MYO5B: variants seen among roughly 807,000 people sequenced by gnomAD.
MYO5B encodes the protein unconventional myosin-Vb.
MYO5B carries 143 observed loss-of-function variants against 229.3 expected under a neutral mutation model. The ratio of observed to expected loss-of-function variants is 0.62; its 90% confidence interval spans 0.54 to 0.72. The LOEUF is 0.72. Among genes scored for constraint, MYO5B ranks in the 30% least tolerant of loss-of-function variants. MYO5B has a pLI of 0.00. For synonymous variants in MYO5B, 918 were observed against 885.2 expected, an observed-to-expected ratio of 1.04 and a Z score of -0.66; for missense variants, 2,321 against 2,331.0, an observed-to-expected ratio of 1.00 and a Z score of 0.09.
At chr18:50,000,303 G>A (rs1429370133) in intron 5 of MYO5B, among the ~76,000 whole-genome samples, 2 of 152,126 alleles carry the variant, frequency 1.3e-5, no homozygotes, top group Non-Finnish European at 2.9e-5. Flanking sequence ...GGCAGCTTGC[G>A]GCTCAACTAA....
intron 1 of MYO5B, among the ~76,000 whole-genome samples, chr18:50,128,713 C>G (rs1238823178): frequency 6.6e-6 from 1 of 152,168 alleles, no homozygotes; most frequent in South Asian, 2.1e-4. Context: ...CCTAAGAATC[C>G]GAGATCCTTT....
intron 2 of MYO5B, among the ~76,000 whole-genome samples, chr18:50,052,240 A>G (rs1029138656): frequency 6.6e-6 from 1 of 152,134 alleles, no homozygotes; most frequent in African/African-American, 2.4e-5. Context: ...ATGCTGCTAT[A>G]AAGACACATG....
intron 1 of MYO5B, among the ~76,000 whole-genome samples, chr18:50,138,675 A>G (rs1377119977): frequency 6.6e-6 from 1 of 152,276 alleles, no homozygotes; most frequent in East Asian, 1.9e-4. Flanking sequence ...AAGAAGTGAA[A>G]TTATGCTCAA....
chr18:49,894,103 G>A (rs200211651), intron 22 of MYO5B, among the ~76,000 whole-genome samples: 75 of 152,290 alleles, frequency 4.9e-4, no homozygotes, highest in Middle Eastern at 3.4e-3. Context: ...AAGGTCTACC[G>A]CAGGGCCCTT....
At chr18:49,873,085 A>T (rs1203293148) in intron 26 of MYO5B, among the ~76,000 whole-genome samples, 1 of 151,980 alleles carries the variant, frequency 6.6e-6, no homozygotes, top group East Asian at 1.9e-4. Context: ...GGCCCACAAC[A>T]CTCTGTAATG....
At chr18:49,854,340 TGAG>T (rs375989306) in intron 30 of MYO5B, among the ~76,000 whole-genome samples, 2 of 152,080 alleles carry the variant, frequency 1.3e-5, no homozygotes, top group Non-Finnish European at 2.9e-5. Flanking sequence ...TTGCAAAGAT[TGAG>T]GAGAAGTCTT....
At chr18:50,098,362 G>T (rs1212575833) in intron 1 of MYO5B, among the ~76,000 whole-genome samples, 1 of 152,140 alleles carries the variant, frequency 6.6e-6, no homozygotes, top group African/African-American at 2.4e-5. Flanking sequence ...TCCAAACTTA[G>T]TTGCCATGTT....
intron 17 of MYO5B, among the ~76,000 whole-genome samples, chr18:49,924,193 G>A (rs2025105037): frequency 6.6e-6 from 1 of 152,152 alleles, no homozygotes; most frequent in South Asian, 2.1e-4. Context: ...CCACCAGAAA[G>A]TTCTGAGATA....
At chr18:50,190,489 T>G (rs991348171) in intron 1 of MYO5B, among the ~76,000 whole-genome samples, 1 of 152,234 alleles carries the variant, frequency 6.6e-6, no homozygotes, top group Non-Finnish European at 1.5e-5. Flanking sequence ...TGAAAGTGTC[T>G]GGCACTGACT....
chr18:50,061,921 CT>C (rs1044203369), intron 1 of MYO5B, among the ~76,000 whole-genome samples: 3 of 152,152 alleles, frequency 2.0e-5, no homozygotes, highest in Non-Finnish European at 2.9e-5. Context: ...AGTTTCAAAA[CT>C]GAATTAGGTT....
intron 1 of MYO5B, among the ~76,000 whole-genome samples, chr18:50,074,246 C>T (rs560133078): frequency 4.6e-5 from 7 of 152,252 alleles, no homozygotes; most frequent in South Asian, 4.1e-4. Flanking sequence ...GAGAATAGCA[C>T]GGGAAAGACC....
intron 27 of MYO5B, among the ~76,000 whole-genome samples, chr18:49,867,189 T>C (rs1229570190): frequency 1.3e-5 from 2 of 152,116 alleles, no homozygotes; most frequent in Non-Finnish European, 2.9e-5. Context: ...GCATGGCCCA[T>C]GGCAGGGAGC....
chr18:50,017,376 T>G (rs1461822709), intron 4 of MYO5B, among the ~76,000 whole-genome samples: 3 of 152,162 alleles, frequency 2.0e-5, no homozygotes, highest in Admixed American at 1.3e-4. Flanking sequence ...CCACCCGCCT[T>G]GGCCTCCCAA....
chr18:50,020,727 G>C (rs1460923140), intron 4 of MYO5B, among the ~76,000 whole-genome samples: 1 of 152,190 alleles, frequency 6.6e-6, no homozygotes, highest in East Asian at 1.9e-4. Context: ...GGTAGAAATC[G>C]AAGGCAACAG....
intron 14 of MYO5B, chr18:49,946,350 A>G (rs1054274162): frequency 1.3e-5 from 2 of 152,216 alleles, no homozygotes; most frequent in African/African-American, 4.8e-5. Context: ...TTCTGAGATC[A>G]GATAAGCTCA....
At position 49,912,146 on chromosome 18, in the gene MYO5B, C is replaced by A. The variant is rs778827958; in HGVS notation, c.2118G>T (p.Arg706=). ...SRWAYHDFFN[R]YRVLVKKREL... is the part of the protein sequence containing the mutation. Reference sequence around the variant, plus strand: ...CTCTCTTCTTGACCAGCACCCGATACCGGTTGAAAAAGTCATGGTAGGCCC... The same window carrying A: ...CTCTCTTCTTGACCAGCACCCGATAACGGTTGAAAAAGTCATGGTAGGCCC... The change falls in exon 18 of 40, where the codon CGG becomes CGT. Residue 706 remains arginine, a synonymous_variant. Coordinates refer to ENST00000285039, the MANE Select transcript of MYO5B (RefSeq NM_001080467.3). 1.9e-6 allele frequency: 3 copies of A among 1,613,974 alleles called. No individual in the cohort carries two copies. The South Asian group carries it at 3.3e-5, about 18-fold the overall frequency.
chr18:49,899,789 G>A (rs889334640), intron 21 of MYO5B, among the ~76,000 whole-genome samples: 25 of 152,238 alleles, frequency 1.6e-4, no homozygotes, highest in African/African-American at 6.0e-4. Context: ...AAGGGCACAA[G>A]AAAGCAAGAG....
chr18:49,946,050 T>A (rs915860484), intron 14 of MYO5B, among the ~76,000 whole-genome samples: 1 of 152,080 alleles, frequency 6.6e-6, no homozygotes, highest in Non-Finnish European at 1.5e-5. Flanking sequence ...CCAATCTGCA[T>A]AACTATACTA....
At position 49,872,244 on chromosome 18, in the gene MYO5B, G is replaced by A; in HGVS notation, c.3538-12C>T. The A allele has an allele frequency of 6.2e-7, 1 of 1,613,806 alleles. No individual in the cohort carries two copies. The highest frequency in any genetic ancestry group is 8.5e-7 in the Non-Finnish European group (1 of 1,179,704). ...TGTGGTGGTTCCGCCTGCATGGATA[G>A]AGACACAAAGATAAGTGCAGACCTC... On this transcript the variant is annotated splice_polypyrimidine_tract_variant and intron_variant, in intron 26 of 39. Coordinates refer to ENST00000285039, the MANE Select transcript of MYO5B (RefSeq NM_001080467.3).
Sources: allele counts gnomAD v4.1 joint callset (sites outside exome capture counted in the v4.1 genomes callset), GRCh38; gene constraint gnomAD v4.1.1; transcripts MANE v1.5; gene names NCBI Gene and HGNC (gene_info 2026-07-23, HGNC 2026-07-21).